Variants in PTPN12 observed in about 807,000 individuals in gnomAD.
PTPN12 encodes the protein tyrosine-protein phosphatase non-receptor type 12.
In PTPN12, 29 loss-of-function variants were observed where a neutral mutation model predicts 97.6. The observed-to-expected ratio is 0.30, with a 90% CI of 0.22 to 0.41. PTPN12 has a LOEUF of 0.41. PTPN12 is among the 10% of genes least tolerant of loss of function. The probability of loss-of-function intolerance (pLI) is 1.00; values close to 1 mark genes in which losing one functional copy is unlikely to be tolerated. For synonymous variants in PTPN12, 327 were observed against 300.4 expected (o/e 1.09, Z -0.91); for missense variants, 819 against 926.0 (o/e 0.88, Z 1.50).
intron 1 of PTPN12, among the ~76,000 whole-genome samples, chr7:77,561,013 A>G (rs575391938): frequency 2.3e-4 from 35 of 152,328 alleles, no homozygotes; most frequent in South Asian, 8.3e-4. Flanking sequence ...ACATTTCACA[A>G]CAGAGCACAA....
At chr7:77,588,814 T>A (rs951899288) in intron 5 of PTPN12, among the ~76,000 whole-genome samples, 3 of 152,106 alleles carry the variant, frequency 2.0e-5, no homozygotes, top group African/African-American at 7.2e-5. Context: ...ATTGAACAAG[T>A]GGAAATACAT....
In PTPN12 at chr7:77,617,735, G is replaced by A. The variant is rs552078514; in HGVS notation, c.940-745G>A. Among the ~76,000 whole-genome samples the A allele has an allele frequency of 7.9e-5, 12 of 152,274 alleles. No individual in the cohort carries two copies. The East Asian group carries it at 2.3e-3, about 29-fold the overall frequency. ...TAGATAAATATGAGATATGTTGACA[G>A]TGAAACTAATTCAAGGCCGTATTTT... On this transcript the variant is annotated intron_variant, in intron 11 of 17. Transcript: ENST00000248594.
chr7:77,537,365 C>T lies in PTPN12; in HGVS notation c.-182C>T. ...TCCTGGAAGTTGTGGTGTCGGGAGC[C>T]CAGCCGGTGCCGCCGCAGCCGCCGC... On this transcript the variant is annotated 5_prime_UTR_variant, in exon 1 of 18. Transcript: ENST00000248594. 2.5e-6 allele frequency: 2 copies of T among 813,730 alleles called. No individual in the cohort carries two copies. Among genetic ancestry groups the T allele is most frequent in the Non-Finnish European group, 3.5e-6 (2 of 568,962 alleles). 50.4% of individuals were successfully genotyped at this position (813,730 alleles called of 1,614,324 possible). A position where few individuals can be genotyped will look rare whatever the true frequency, so the allele number is the denominator to read the frequency against.
chr7:77,624,844 A>G (rs779081423), intron 12 of PTPN12, among the ~76,000 whole-genome samples: 8 of 151,788 alleles, frequency 5.3e-5, no homozygotes, highest in Non-Finnish European at 1.0e-4. Context: ...AAAAAGCAAA[A>G]ACTCTGAGGT....
chr7:77,537,521 G>A lies in PTPN12; in HGVS notation c.-26G>A. On this transcript the variant is annotated 5_prime_UTR_variant, in exon 1 of 18. Coordinates refer to ENST00000248594, the MANE Select transcript of PTPN12 (RefSeq NM_002835.4). ...GCGGGCGGGCGGCGGGGGGGCCAGC[G>A]ACCGCAGCCGGGGGGACGCGGGAGG... 2 of 1,569,470 alleles carry A rather than the reference G, an allele frequency of 1.3e-6. No individual in the cohort carries two copies. Among genetic ancestry groups the A allele is most frequent in the Non-Finnish European group, 1.7e-6 (2 of 1,159,908 alleles).
At chr7:77,637,234 G>C (rs745375138) in intron 16 of PTPN12, among the ~76,000 whole-genome samples, 186 bp downstream of exon 16, 1 of 152,142 alleles carries the variant, frequency 6.6e-6, no homozygotes, top group African/African-American at 2.4e-5. Flanking sequence ...CCAGATAGTA[G>C]TATTGATCTG....
Position 77,561,237 on chromosome 7 carries a change from T to C in PTPN12, c.100-9841T>C, listed in dbSNP as rs143205332. On this transcript the variant is annotated intron_variant, in intron 1 of 17. Transcript: ENST00000248594. ...ACTGTGCCCAGCCTATTTTGGTTTT[T>C]TGATAGTAGCCATCACAATGGTTCG... Among the ~76,000 whole-genome samples the C allele has an allele frequency of 2.6e-3, 403 of 152,310 alleles. 2 individuals carry two copies. Among genetic ancestry groups the C allele is most frequent in the African/African-American group, 9.4e-3 (391 of 41,554 alleles).
At chr7:77,585,505 AT>A in intron 4 of PTPN12, 37 bp from the exon 5 acceptor site, 1 of 1,562,000 alleles carries the variant, frequency 6.4e-7, no homozygotes, top group South Asian at 1.1e-5. Context: ...TGTTTAACTG[AT>A]ACGTTCTTTA....
At chr7:77,635,451 G>A (rs980514321) in intron 14 of PTPN12, among the ~76,000 whole-genome samples, 5 of 152,110 alleles carry the variant, frequency 3.3e-5, no homozygotes, top group Non-Finnish European at 7.3e-5. Context: ...GCAATGAAAC[G>A]GTATACTTCA....
chr7:77,639,027 A>G, intron 17 of PTPN12, 192 bp from the exon 18 acceptor site: 1 of 648,810 alleles, frequency 1.5e-6, no homozygotes, highest in South Asian at 3.1e-5. Context: ...TTTTAAAAGA[A>G]GCAATCATTT....
rs901952352 is a variant in PTPN12, at chr7:77,627,058, A to G, written c.1379A>G (p.His460Arg). 17 of 1,613,836 alleles carry G rather than the reference A, an allele frequency of 1.1e-5. No individual in the cohort carries two copies. The highest frequency in any genetic ancestry group is 1.4e-5 in the Non-Finnish European group (17 of 1,179,888). ...GGGAACACACTTTTGAATAGGGGACATGCAATTAAAATTAAATCTGCTTCA... is the reference window on the plus strand; with the variant it reads ...GGGAACACACTTTTGAATAGGGGACGTGCAATTAAAATTAAATCTGCTTCA... ...FDGNTLLNRG[H>R]AIKIKSASPC... Residue 460 changes from histidine (H) to arginine (R), a missense_variant, in exon 13 of 18, where the codon CAT (histidine) becomes CGT (arginine). Around this residue, in one of 5 missense-constraint regions of PTPN12, gnomAD observed 607 missense variants for 577.3 expected, o/e 1.05. Transcript: ENST00000248594.
intron 1 of PTPN12, among the ~76,000 whole-genome samples, chr7:77,554,712 G>A (rs1359863685): frequency 6.6e-6 from 1 of 152,136 alleles, no homozygotes; most frequent in Non-Finnish European, 1.5e-5. Context: ...GTCTTGCTCT[G>A]TCTGTCATCC....
At chr7:77,585,494 G>A (rs771513523) in intron 4 of PTPN12, 49 bp from the exon 5 acceptor site, 2 of 1,500,628 alleles carry the variant, frequency 1.3e-6, no homozygotes, top group South Asian at 1.2e-5. Context: ...AAGTAAAATT[G>A]TGTTTAACTG....
intron 8 of PTPN12, among the ~76,000 whole-genome samples, chr7:77,605,230 A>ATAG (rs1169603403): frequency 6.6e-6 from 1 of 152,124 alleles, no homozygotes; most frequent in East Asian, 1.9e-4. Flanking sequence ...CAAACTGCTG[A>ATAG]TAGGTATACA....
chr7:77,551,794 A>G (rs1298921930), intron 1 of PTPN12, among the ~76,000 whole-genome samples: 1 of 152,112 alleles, frequency 6.6e-6, no homozygotes, highest in Non-Finnish European at 1.5e-5. Flanking sequence ...CTGATATCTT[A>G]TACTTCTTAG....
chr7:77,581,605 C>A, intron 3 of PTPN12, 102 bp downstream of exon 3: 25 of 541,484 alleles, frequency 4.6e-5, no homozygotes, highest in Middle Eastern at 4.5e-4. Flanking sequence ...ATACCAACAG[C>A]AAAAGAAATA....
chr7:77,623,761 C>G (rs1306616717), intron 12 of PTPN12, among the ~76,000 whole-genome samples: 1 of 152,152 alleles, frequency 6.6e-6, no homozygotes, highest in Non-Finnish European at 1.5e-5. Flanking sequence ...AGTGGTCTCA[C>G]CATGTACACG....
intron 15 of PTPN12, among the ~76,000 whole-genome samples, chr7:77,636,272 G>GAAAT (rs1350443799): frequency 6.6e-6 from 1 of 151,872 alleles, no homozygotes; most frequent in Non-Finnish European, 1.5e-5. Flanking sequence ...TGACATTCGA[G>GAAAT]AAATGTTTTG....
chr7:77,626,115 A>G (rs1789171384), intron 12 of PTPN12, among the ~76,000 whole-genome samples: 1 of 152,192 alleles, frequency 6.6e-6, no homozygotes, highest in Non-Finnish European at 1.5e-5. Flanking sequence ...GAGAGGAGGT[A>G]TACCAATCTG....
Sources: gnomAD v4.1 joint callset for allele counts (sites outside exome capture counted in the v4.1 genomes callset) on GRCh38, gnomAD v4.1.1 for gene constraint, gnomAD v4.1.1 regional missense constraint, MANE v1.5 for transcripts, NCBI Gene and HGNC (gene_info 2026-07-23, HGNC 2026-07-21) for gene names.